ZNF514: variants seen among roughly 807,000 people sequenced by gnomAD.
The protein encoded by ZNF514 is zinc finger protein 514.
ZNF514 carries 12 observed loss-of-function variants against 9.7 expected under a neutral mutation model. The observed-to-expected ratio is 1.24, with a 90% CI of 0.79 to 2.01. The LOEUF is 2.01. ZNF514 is among the 30% of genes most tolerant of loss of function. ZNF514 has a pLI of 0.00. For synonymous variants in ZNF514, 158 were observed against 163.7 expected, an observed-to-expected ratio of 0.97 and a Z score of 0.27; for missense variants, 467 against 465.5, an observed-to-expected ratio of 1.00 and a Z score of -0.03.
chr2:95,158,903 A>G (rs1300117930), intron 1 of ZNF514: 2 of 1,289,674 alleles, frequency 1.6e-6, no homozygotes, highest in South Asian at 2.5e-5. Flanking sequence ...TCCTCCTGAT[A>G]TCGGGCTCGG....
At chr2:95,127,601 GTTTT>G in the ZNF514 span, among the ~76,000 whole-genome samples, 4 of 151,454 alleles carry the variant, frequency 2.6e-5, no homozygotes, top group Non-Finnish European at 5.9e-5. Context: ...TTTTGTTTTT[GTTTT>G]TTTGTTTTTT....
the ZNF514 span, among the ~76,000 whole-genome samples, chr2:95,138,891 C>G: frequency 6.6e-6 from 1 of 152,192 alleles, no homozygotes; most frequent in African/African-American, 2.4e-5. Flanking sequence ...GCCCTGAGGC[C>G]TAGGAGGACT....
the ZNF514 span, among the ~76,000 whole-genome samples, chr2:95,132,631 A>G: frequency 2.6e-5 from 4 of 152,068 alleles, no homozygotes; most frequent in African/African-American, 9.7e-5. Flanking sequence ...GCACTTTGGG[A>G]GGCAAAGATG....
the ZNF514 span, among the ~76,000 whole-genome samples, chr2:95,132,515 G>A: frequency 2.0e-5 from 3 of 152,118 alleles, no homozygotes; most frequent in African/African-American, 7.2e-5. Flanking sequence ...CTCATACATT[G>A]CTGGTGGGGA....
intron 4 of ZNF514, among the ~76,000 whole-genome samples, chr2:95,152,339 C>T (rs1673565440): frequency 6.6e-6 from 1 of 151,996 alleles, no homozygotes; most frequent in Admixed American, 6.6e-5. Context: ...CCCTCACTAA[C>T]TCCCTTAACT....
chr2:95,128,592 G>C, the ZNF514 span, among the ~76,000 whole-genome samples: 5 of 151,184 alleles, frequency 3.3e-5, no homozygotes, highest in Non-Finnish European at 5.9e-5. Flanking sequence ...AGGATGAGGA[G>C]GAGGAGGAGG....
chr2:95,154,066 A>T (rs1416631108), intron 2 of ZNF514: 1 of 152,244 alleles, frequency 6.6e-6, no homozygotes, highest in Non-Finnish European at 1.5e-5. Context: ...AGGTTATATT[A>T]TTTGTCCAAA....
Position 95,149,792 on chromosome 2 carries a change from C to A in ZNF514, c.693G>T (p.Pro231=). ...RHQRCHTGEK[P]YECSDCGRAF... Reference sequence around the variant, plus strand: ...CTCTTCCACAGTCACTGCATTCATACGGCTTTTCTCCAGTGTGACATCGCT... The same window carrying A: ...CTCTTCCACAGTCACTGCATTCATAAGGCTTTTCTCCAGTGTGACATCGCT... The change falls in exon 5 of 5, where the codon CCG becomes CCT. Residue 231 remains proline (P), a synonymous_variant. Coordinates refer to ENST00000295208, the MANE Select transcript of ZNF514 (RefSeq NM_032788.3). 6.2e-7 allele frequency: 1 copy of A among 1,614,148 alleles called. No homozygotes were observed. Among genetic ancestry groups the A allele is most frequent in the East Asian group, 2.2e-5 (1 of 44,884 alleles).
the ZNF514 span, among the ~76,000 whole-genome samples, chr2:95,132,358 G>A: frequency 1.3e-5 from 2 of 151,998 alleles, no homozygotes; most frequent in Non-Finnish European, 2.9e-5. Flanking sequence ...AGGCAAAGAC[G>A]TACATGAAAA....
At chr2:95,158,808 G>A in intron 1 of ZNF514, 2 of 1,266,362 alleles carry the variant, frequency 1.6e-6, no homozygotes, top group Admixed American at 2.4e-5. Context: ...AGCCTTCTGG[G>A]TCTGGAAGGT....
Position 95,147,971 on chromosome 2 carries a change from T to G in ZNF514, c.*1311A>C, listed in dbSNP as rs1376010472. On this transcript the variant is annotated 3_prime_UTR_variant, in exon 5 of 5. Coordinates refer to ENST00000295208, the MANE Select transcript of ZNF514 (RefSeq NM_032788.3). Reference sequence around the variant, plus strand: ...GTAATTTTAATGTTTAAACAAGGTTTCATTTCATTTCAAAAATTCCAAATC... The same window carrying G: ...GTAATTTTAATGTTTAAACAAGGTTGCATTTCATTTCAAAAATTCCAAATC... 6.6e-6 allele frequency: 1 copy of G among 152,222 alleles called. No homozygotes were observed. The highest frequency in any genetic ancestry group is 2.4e-5 in the African/African-American group (1 of 41,438). The allele number at this position is 152,222 out of a possible 1,614,324, so 9.4% of individuals were successfully genotyped here. A position where few individuals can be genotyped will look rare whatever the true frequency, so the allele number is the denominator to read the frequency against.
chr2:95,148,053 T>C lies in ZNF514; in HGVS notation c.*1229A>G, dbSNP rs1360857441. ...TTTGCTCAATCCTAGACCACTCCAT[T>C]GCCTCACAAAGAAAGGTAACATGTG... is the stretch of plus-strand genomic sequence containing the variant. On this transcript the variant is annotated 3_prime_UTR_variant, in exon 5 of 5. Transcript: ENST00000295208. 1 of 152,242 alleles carries C rather than the reference T, an allele frequency of 6.6e-6. No homozygotes were observed. Among genetic ancestry groups the C allele is most frequent in the African/African-American group, 2.4e-5 (1 of 41,456 alleles). 9.4% of individuals were successfully genotyped at this position (152,242 alleles called of 1,614,324 possible).
At position 95,148,385 on chromosome 2, in the gene ZNF514, C is replaced by T. The variant is rs1673423196; in HGVS notation, c.*897G>A. 6.6e-6 allele frequency: 1 copy of T among 152,214 alleles called. No homozygotes were observed. The highest frequency in any genetic ancestry group is 1.5e-5 in the Non-Finnish European group (1 of 68,048). 9.4% of individuals were successfully genotyped at this position (152,214 alleles called of 1,614,324 possible). On this transcript the variant is annotated 3_prime_UTR_variant, in exon 5 of 5. Coordinates refer to ENST00000295208, the MANE Select transcript of ZNF514 (RefSeq NM_032788.3). The stretch of plus-strand genomic sequence containing the variant: ...ATGGCCCCACCAGGCAGAAAATCAC[C>T]AGACAAGGTGATTTCTCAGCTTCTT...
At chr2:95,143,155 A>T (rs1473924361), downstream of ZNF514, among the ~76,000 whole-genome samples, 10 of 152,382 alleles carry the variant, frequency 6.6e-5, no homozygotes, top group East Asian at 1.9e-3. Context: ...ACAACTGAAC[A>T]ATCTCCAAGT....
intron 1 of ZNF514, chr2:95,158,763 A>C: frequency 5.2e-4 from 611 of 1,178,662 alleles, no homozygotes; most frequent in Non-Finnish European, 6.2e-4. Flanking sequence ...ACGGTCATCT[A>C]GAGACCCCTG....
In ZNF514 at chr2:95,149,176, G is replaced by T; in HGVS notation, c.*106C>A. 7.5e-7 allele frequency: 1 copy of T among 1,332,540 alleles called. No individual in the cohort carries two copies. Among genetic ancestry groups the T allele is most frequent in the Non-Finnish European group, 1.0e-6 (1 of 983,936 alleles). The allele number at this position is 1,332,540 out of a possible 1,614,324, so 82.5% of individuals were successfully genotyped here. On this transcript the variant is annotated 3_prime_UTR_variant, in exon 5 of 5. Transcript: ENST00000295208. ...TATTGCCTGATGTGGAACAAGATGT[G>T]GTCTTCCCACATACATTACACCTTT...
Position 95,146,276 on chromosome 2 carries a change from A to G in ZNF514, c.*3006T>C, listed in dbSNP as rs1041485668. On this transcript the variant is annotated 3_prime_UTR_variant, in exon 5 of 5. Transcript: ENST00000295208. ...ATTATTTAAATAGATCAAGACAGTGATACGATTTACCACAAGTCTAGATAT... is the reference window on the plus strand; with the variant it reads ...ATTATTTAAATAGATCAAGACAGTGGTACGATTTACCACAAGTCTAGATAT... Among the ~76,000 whole-genome samples, 3 of 152,228 alleles carry G rather than the reference A, an allele frequency of 2.0e-5. No homozygotes were observed. The highest frequency in any genetic ancestry group is 4.4e-5 in the Non-Finnish European group (3 of 68,042).
chr2:95,158,757 T>C (rs1673755296), intron 1 of ZNF514: 3 of 1,163,664 alleles, frequency 2.6e-6, no homozygotes, highest in Non-Finnish European at 3.3e-6. Flanking sequence ...TCCGCCACGG[T>C]CATCTAGAGA....
rs974796541 is a variant in ZNF514 at position 95,149,097 on chromosome 2, A to G, written c.*185T>C. 7.6e-5 allele frequency: 50 copies of G among 659,690 alleles called. No individual in the cohort carries two copies. Among genetic ancestry groups the G allele is most frequent in the Non-Finnish European group, 1.1e-4 (44 of 408,754 alleles). The allele number at this position is 659,690 out of a possible 1,614,324, so 40.9% of individuals were successfully genotyped here. A position where few individuals can be genotyped will look rare whatever the true frequency, so the allele number is the denominator to read the frequency against. ...TAGTATGGATTCTCCCATGTTTGGT[A>G]AGAGAGGGGAAGCCCACCCCCTCTT... On this transcript the variant is annotated 3_prime_UTR_variant, in exon 5 of 5. Coordinates refer to ENST00000295208, the MANE Select transcript of ZNF514 (RefSeq NM_032788.3).
Sources: allele counts gnomAD v4.1 joint callset (sites outside exome capture counted in the v4.1 genomes callset), GRCh38; gene constraint gnomAD v4.1.1; transcripts MANE v1.5; gene names NCBI Gene and HGNC (gene_info 2026-07-23, HGNC 2026-07-21).